LIN54: variants seen among roughly 807,000 people sequenced by gnomAD.
LIN54 encodes the protein lin-54 DREAM MuvB core complex component.
A neutral mutation model predicts 78.7 loss-of-function variants in LIN54; 9 were observed. The observed-to-expected ratio is 0.11, with a 90% CI of 0.07 to 0.20. The LOEUF is 0.20. LIN54 is among the 10% of genes least tolerant of loss of function. The pLI is 1.00. For missense variants in LIN54, 573 were observed against 889.9 expected (o/e 0.64, Z 4.53); for synonymous variants, 269 against 318.4 (o/e 0.84, Z 1.65).
intron 1 of LIN54, among the ~76,000 whole-genome samples, chr4:82,988,370 T>C (rs1286275974): frequency 1.3e-5 from 2 of 152,246 alleles, no homozygotes; most frequent in African/African-American, 2.4e-5. Flanking sequence ...TCCTTTTTAC[T>C]GCTGAGTAAT....
chr4:83,002,442 A>AGGAGG (rs1221712375), intron 1 of LIN54, among the ~76,000 whole-genome samples: 1 of 93,824 alleles, frequency 1.1e-5, no homozygotes, highest in Non-Finnish European at 2.0e-5. Flanking sequence ...GGAGGGAGGG[A>AGGAGG]GGAGGGGAGG....
intron 3 of LIN54, among the ~76,000 whole-genome samples, chr4:82,974,987 G>A (rs1726042619): frequency 6.6e-6 from 1 of 152,132 alleles, no homozygotes; most frequent in Non-Finnish European, 1.5e-5. Context: ...AAAAGAAAAA[G>A]TTTTAGAGAC....
intron 1 of LIN54, among the ~76,000 whole-genome samples, chr4:83,001,146 CTG>C (rs779481107): frequency 2.0e-5 from 3 of 152,120 alleles, no homozygotes; most frequent in Non-Finnish European, 4.4e-5. Context: ...ACAGAGAAAA[CTG>C]TGTCTAGACA....
chr4:82,948,952 T>C (rs1315194364), intron 4 of LIN54, among the ~76,000 whole-genome samples: 1 of 152,230 alleles, frequency 6.6e-6, no homozygotes, highest in African/African-American at 2.4e-5. Context: ...TCCTGGTTAT[T>C]GTGAATAGTG....
intron 2 of LIN54, among the ~76,000 whole-genome samples, chr4:82,981,213 T>C (rs1726603685): frequency 6.6e-6 from 1 of 152,188 alleles, no homozygotes; most frequent in Non-Finnish European, 1.5e-5. Flanking sequence ...TTTGGCACTG[T>C]GTTGGATAGA....
intron 4 of LIN54, among the ~76,000 whole-genome samples, chr4:82,954,383 T>C (rs1724107349): frequency 6.7e-6 from 1 of 149,314 alleles, no homozygotes; most frequent in African/African-American, 2.4e-5. Context: ...TTTTTAAAAA[T>C]ACAAATTTAT....
chr4:82,942,373 CT>C (rs1203186497), intron 5 of LIN54, among the ~76,000 whole-genome samples: 1 of 152,098 alleles, frequency 6.6e-6, no homozygotes, highest in African/African-American at 2.4e-5. Context: ...GAATGGTATG[CT>C]TTGAAAGGGT....
intron 4 of LIN54, among the ~76,000 whole-genome samples, chr4:82,947,740 C>T (rs571046723): frequency 6.6e-6 from 1 of 152,152 alleles, no homozygotes; most frequent in Non-Finnish European, 1.5e-5. Context: ...CACTGTCATA[C>T]AATGCAAAGG....
Position 82,975,215 on chromosome 4 carries a change from G to A in LIN54, c.808+3668C>T, listed in dbSNP as rs188893301. Among the ~76,000 whole-genome samples the A allele has an allele frequency of 5.2e-4, 79 of 150,890 alleles. 1 individual carries two copies. Among genetic ancestry groups the A allele is most frequent in the East Asian group, 5.9e-4 (3 of 5,048 alleles). On this transcript the variant is annotated intron_variant, in intron 3 of 12. Coordinates refer to ENST00000340417, the MANE Select transcript of LIN54 (RefSeq NM_194282.4). ...TCTACTAAAAATACAAAAATTAGCC[G>A]GATGTGGTGGAGTGTGCCTGTAGTC...
chr4:82,966,454 T>TA lies in LIN54; in HGVS notation c.951+3872dup, dbSNP rs746980272. ...GGTATCCCTATCATCTACCTCCTAT[T>TA]AAAAAAAAAAAAAAGACAGAAATAG... On this transcript the variant is annotated intron_variant, in intron 4 of 12. Transcript: ENST00000340417. Among the ~76,000 whole-genome samples, 455 of 130,772 alleles carry TA rather than the reference T, an allele frequency of 3.5e-3. 2 individuals are homozygous for TA. Among genetic ancestry groups the TA allele is most frequent in the East Asian group, 5.7e-3 (26 of 4,560 alleles). The allele number at this position is 130,772 out of a possible 152,430, so 85.8% of individuals were successfully genotyped here.
chr4:82,930,862 A>T, intron 12 of LIN54, 81 bp downstream of exon 12: 1 of 1,314,456 alleles, frequency 7.6e-7, no homozygotes. Context: ...CCAAAAATAT[A>T]AACTCAACTT....
At chr4:82,988,916 C>T (rs908313136) in intron 1 of LIN54, among the ~76,000 whole-genome samples, 5 of 151,988 alleles carry the variant, frequency 3.3e-5, no homozygotes, top group Admixed American at 2.0e-4. Flanking sequence ...TGGCCGGGCG[C>T]GGTGTCTTAT....
chr4:82,935,098 T>A (rs1046064376), intron 11 of LIN54, among the ~76,000 whole-genome samples: 11 of 152,046 alleles, frequency 7.2e-5, no homozygotes, highest in Non-Finnish European at 1.2e-4. Context: ...TCCAGCAGAA[T>A]GCCAGATCCC....
chr4:82,986,227 TG>T (rs1727123378), intron 1 of LIN54, among the ~76,000 whole-genome samples: 2 of 152,068 alleles, frequency 1.3e-5, no homozygotes, highest in Non-Finnish European at 2.9e-5. Context: ...GCGATTCTCC[TG>T]CCTCAGCCTC....
chr4:82,959,889 T>G (rs141325100), intron 4 of LIN54, among the ~76,000 whole-genome samples: 386 of 152,322 alleles, frequency 2.5e-3, no homozygotes, highest in African/African-American at 8.9e-3. Context: ...AAAAATTACA[T>G]TATGTTCTAC....
intron 5 of LIN54, among the ~76,000 whole-genome samples, chr4:82,942,185 C>T (rs994254543): frequency 6.6e-6 from 1 of 151,754 alleles, no homozygotes; most frequent in Non-Finnish European, 1.5e-5. Context: ...TGGCTAAAGA[C>T]AAAAAAGCTG....
chr4:83,003,618 G>A (rs1729051602), intron 1 of LIN54: 1 of 152,048 alleles, frequency 6.6e-6, no homozygotes, highest in Non-Finnish European at 1.5e-5. Flanking sequence ...CCTCCACCTG[G>A]GGGCTCAAGT....
At chr4:82,958,656 T>C (rs1314170296) in intron 4 of LIN54, among the ~76,000 whole-genome samples, 1 of 152,176 alleles carries the variant, frequency 6.6e-6, no homozygotes, top group African/African-American at 2.4e-5. Flanking sequence ...CACTATTATT[T>C]ACTAGGTTTT....
At chr4:82,933,517 A>T (rs1362320773) in intron 11 of LIN54, among the ~76,000 whole-genome samples, 12 of 152,188 alleles carry the variant, frequency 7.9e-5, no homozygotes, top group Admixed American at 7.9e-4. Context: ...CCAGATGCAA[A>T]CCAACAGGAT....
Sources: allele counts gnomAD v4.1 joint callset (sites outside exome capture counted in the v4.1 genomes callset), GRCh38; gene constraint gnomAD v4.1.1; transcripts MANE v1.5; gene names NCBI Gene and HGNC (gene_info 2026-07-23, HGNC 2026-07-21).